Variants in MGAT4C observed in about 807,000 individuals in gnomAD.
MGAT4C encodes the protein alpha-1,3-mannosyl-glycoprotein 4-beta-N-acetylglucosaminyltransferase C.
MGAT4C carries 19 observed loss-of-function variants against 40.1 expected under a neutral mutation model. The ratio of observed to expected loss-of-function variants is 0.47; its 90% confidence interval spans 0.33 to 0.70. MGAT4C has a LOEUF of 0.70. Among genes scored for constraint, MGAT4C ranks in the 30% least tolerant of loss-of-function variants. The pLI, the probability that MGAT4C is intolerant of heterozygous loss-of-function variation, is 0.02. For synonymous variants in MGAT4C, 181 were observed against 187.1 expected (o/e 0.97, Z 0.27); for missense variants, 491 against 563.2 (o/e 0.87, Z 1.30).
At chr12:86,390,020 A>G (rs1226982823) in intron 3 of MGAT4C, among the ~76,000 whole-genome samples, 1 of 152,198 alleles carries the variant, frequency 6.6e-6, no homozygotes, top group Admixed American at 6.5e-5. Flanking sequence ...CTTAGAGAGC[A>G]TGCACTTTTT....
At chr12:86,508,195 C>T (rs1234518739) in intron 2 of MGAT4C, among the ~76,000 whole-genome samples, 1 of 152,084 alleles carries the variant, frequency 6.6e-6, no homozygotes, top group African/African-American at 2.4e-5. Context: ...TCTCCTAATG[C>T]TATCCCTCCC....
chr12:86,732,621 A>G (rs996923135), intron 1 of MGAT4C, among the ~76,000 whole-genome samples: 4 of 151,940 alleles, frequency 2.6e-5, no homozygotes, highest in Non-Finnish European at 5.9e-5. Context: ...GCCAAGACAG[A>G]TCTGACAGGA....
At chr12:86,815,636 A>G (rs1952587286) in intron 1 of MGAT4C, among the ~76,000 whole-genome samples, 1 of 151,316 alleles carries the variant, frequency 6.6e-6, no homozygotes, top group Admixed American at 6.6e-5. Flanking sequence ...ATATTATATA[A>G]TATTATATAA....
chr12:86,458,306 A>G (rs1025341302), intron 2 of MGAT4C, among the ~76,000 whole-genome samples: 2 of 152,162 alleles, frequency 1.3e-5, no homozygotes, highest in Non-Finnish European at 2.9e-5. Context: ...CAGATGCCTA[A>G]GTTGTCTGTA....
chr12:86,180,297 G>A (rs1313422689), intron 1 of MGAT4C, among the ~76,000 whole-genome samples: 1 of 152,232 alleles, frequency 6.6e-6, no homozygotes, highest in Non-Finnish European at 1.5e-5. Context: ...TTCTGCAGTG[G>A]TGGGGCCCTC....
At chr12:86,605,205 TG>T (rs1962001589) in intron 2 of MGAT4C, among the ~76,000 whole-genome samples, 1 of 152,092 alleles carries the variant, frequency 6.6e-6, no homozygotes, top group South Asian at 2.1e-4. Flanking sequence ...CTAGATGCTT[TG>T]GGATATAAAG....
In MGAT4C at chr12:86,639,000, T is replaced by C. The variant is rs1963302481; in HGVS notation, c.-229+88209A>G. On this transcript the variant is annotated intron_variant, in intron 2 of 7. Transcript: ENST00000548651. ...AAAATGTCATTTTAAAAAATAATATTTCTATCTATTGGTTTTGCAGATATA... is the reference window on the plus strand; with the variant it reads ...AAAATGTCATTTTAAAAAATAATATCTCTATCTATTGGTTTTGCAGATATA... 2.6e-5 allele frequency among the ~76,000 whole-genome samples: 4 copies of C among 151,796 alleles called. No individual in the cohort carries two copies. The Admixed American group carries it at 2.6e-4, about 10-fold the overall frequency.
intron 2 of MGAT4C, among the ~76,000 whole-genome samples, chr12:86,485,748 A>G (rs558622250): frequency 6.6e-6 from 1 of 152,246 alleles, no homozygotes; most frequent in East Asian, 1.9e-4. Context: ...GTACTATATA[A>G]GACAACAACC....
chr12:86,367,220 A>G (rs888504648), intron 3 of MGAT4C, among the ~76,000 whole-genome samples: 12 of 152,036 alleles, frequency 7.9e-5, no homozygotes, highest in Admixed American at 7.9e-4. Flanking sequence ...CACAGATAAG[A>G]TAGCTTGAGC....
At chr12:86,546,218 C>T (rs1027377738) in intron 2 of MGAT4C, among the ~76,000 whole-genome samples, 11 of 151,836 alleles carry the variant, frequency 7.2e-5, no homozygotes, top group Admixed American at 6.6e-5. Context: ...TAGTATCAAA[C>T]ATTCAGAAAA....
chr12:86,443,342 T>C (rs1042214776), intron 2 of MGAT4C, among the ~76,000 whole-genome samples: 4 of 152,152 alleles, frequency 2.6e-5, no homozygotes, highest in African/African-American at 9.7e-5. Flanking sequence ...GTGATTAAAC[T>C]GAAATTTCAA....
At chr12:86,484,690 T>C (rs55870715) in intron 2 of MGAT4C, among the ~76,000 whole-genome samples, 15,832 of 152,176 alleles carry the variant, frequency 0.1, 1,033 homozygotes, top group Middle Eastern at 0.25. Context: ...GTGGCTCCAA[T>C]CACAGGGCTG....
intron 4 of MGAT4C, among the ~76,000 whole-genome samples, chr12:86,304,769 G>A (rs1953893860): frequency 6.6e-6 from 1 of 150,750 alleles, no homozygotes; most frequent in South Asian, 2.1e-4. Context: ...GAGAAGAGAT[G>A]CAGACACATG....
chr12:86,552,114 A>G (rs1959397569), intron 2 of MGAT4C, among the ~76,000 whole-genome samples: 1 of 152,082 alleles, frequency 6.6e-6, no homozygotes, highest in South Asian at 2.1e-4. Flanking sequence ...GAAAAATACA[A>G]AATTCAAGGA....
chr12:86,807,308 G>T (rs1422865580), intron 1 of MGAT4C, among the ~76,000 whole-genome samples: 1 of 151,938 alleles, frequency 6.6e-6, no homozygotes. Context: ...CCCAGTGTGT[G>T]CTGCGCCCCA....
chr12:86,787,490 A>G (rs1416063566), intron 1 of MGAT4C, among the ~76,000 whole-genome samples: 1 of 152,040 alleles, frequency 6.6e-6, no homozygotes, highest in African/African-American at 2.4e-5. Context: ...GATATCCAGT[A>G]GTGAGATTGC....
chr12:86,609,575 T>C (rs1962172081), intron 2 of MGAT4C, among the ~76,000 whole-genome samples: 1 of 152,100 alleles, frequency 6.6e-6, no homozygotes, highest in African/African-American at 2.4e-5. Context: ...GGTTATGAAG[T>C]TAACAGGATA....
intron 3 of MGAT4C, among the ~76,000 whole-genome samples, chr12:86,419,226 T>C (rs2136253661): frequency 6.6e-6 from 1 of 152,148 alleles, no homozygotes; most frequent in African/African-American, 2.4e-5. Flanking sequence ...GGATTTCTTA[T>C]ACCTAAATTA....
intron 3 of MGAT4C, among the ~76,000 whole-genome samples, chr12:86,429,769 G>C (rs1176351308): frequency 1.3e-5 from 2 of 152,022 alleles, no homozygotes; most frequent in Non-Finnish European, 2.9e-5. Flanking sequence ...TCTTTGGGTT[G>C]AATTTGATTG....
Sources: gnomAD v4.1 joint callset for allele counts (sites outside exome capture counted in the v4.1 genomes callset) on GRCh38, gnomAD v4.1.1 for gene constraint, MANE v1.5 for transcripts, NCBI Gene and HGNC (gene_info 2026-07-23, HGNC 2026-07-21) for gene names.